Variants in CPNE1 observed in about 807,000 individuals in gnomAD.
CPNE1 encodes copine-1.
CPNE1 carries 58 observed loss-of-function variants against 63.2 expected under a neutral mutation model. That is an observed-to-expected ratio of 0.92 (90% CI 0.74 to 1.14). The LOEUF (loss-of-function observed/expected upper bound fraction) is 1.14. Ranked by LOEUF, CPNE1 falls within the 50% of genes most tolerant of loss-of-function variation. The pLI is 0.00. For synonymous variants in CPNE1, 237 were observed against 249.0 expected, an observed-to-expected ratio of 0.95 and a Z score of 0.45; for missense variants, 672 against 661.7, an observed-to-expected ratio of 1.02 and a Z score of -0.17.
At chr20:35,640,024 C>G (rs997742984) in intron 1 of CPNE1, among the ~76,000 whole-genome samples, 5 of 152,170 alleles carry the variant, frequency 3.3e-5, no homozygotes, top group Non-Finnish European at 1.5e-5. Context: ...TGATGTGAGC[C>G]CCTAAGGTGG....
At chr20:35,655,845 G>T (rs770483695) in intron 1 of CPNE1, among the ~76,000 whole-genome samples, 1 of 152,064 alleles carries the variant, frequency 6.6e-6, no homozygotes, top group Non-Finnish European at 1.5e-5. Flanking sequence ...CCATCCAACA[G>T]AAGCAAAAAA....
At position 35,631,004 on chromosome 20, in the gene CPNE1, C is replaced by A. The variant is rs1568910661; in HGVS notation, c.892G>T (p.Asp298Tyr). The part of the protein sequence containing the change: ...VGVDFTGSNG[D>Y]PSSPDSLHYL... ...TGTAGGGAGTCAGGTGAGGAGGGGT[C>A]TCCATTGGAGCCAGTGAAGTCCACG... is the stretch of plus-strand genomic sequence containing the variant. Residue 298 changes from aspartate (D) to tyrosine (Y), a missense_variant, in exon 11 of 16, where the codon GAC becomes TAC. Asp to Tyr is a radical substitution (Grantham distance 160, BLOSUM62 -3). Transcript: ENST00000397443. The A allele has an allele frequency of 2.5e-6, 4 of 1,613,876 alleles. No homozygotes were observed. The highest frequency in any genetic ancestry group is 2.5e-6 in the Non-Finnish European group (3 of 1,179,928).
intron 1 of CPNE1, among the ~76,000 whole-genome samples, chr20:35,636,740 G>A (rs2032507055): frequency 6.6e-6 from 1 of 152,080 alleles, no homozygotes; most frequent in Non-Finnish European, 1.5e-5. Context: ...GCAGTGAGCC[G>A]AGATCATGGC....
At chr20:35,657,289 A>G (rs147041993) in intron 1 of CPNE1, among the ~76,000 whole-genome samples, 19 of 152,368 alleles carry the variant, frequency 1.2e-4, no homozygotes, top group Non-Finnish European at 2.8e-4. Context: ...TTAGCAGCCT[A>G]TAAGGAGGTT....
chr20:35,652,791 A>G (rs1330189617), intron 1 of CPNE1: 1 of 1,609,778 alleles, frequency 6.2e-7, no homozygotes, highest in Non-Finnish European at 8.5e-7. Context: ...ATGCAAAGCC[A>G]GGGGGACCAC....
At chr20:35,659,403 G>T (rs2034105759) in intron 1 of CPNE1, among the ~76,000 whole-genome samples, 1 of 152,176 alleles carries the variant, frequency 6.6e-6, no homozygotes, top group Non-Finnish European at 1.5e-5. Context: ...AATTTGTGAT[G>T]AAAAGGCACA....
chr20:35,637,286 C>T (rs1213493732), intron 1 of CPNE1, among the ~76,000 whole-genome samples: 2 of 152,268 alleles, frequency 1.3e-5, no homozygotes, highest in East Asian at 1.9e-4. Context: ...CCCCGTATAG[C>T]TGCCTTTAGG....
At chr20:35,646,785 C>A (rs1321520082) in intron 1 of CPNE1, among the ~76,000 whole-genome samples, 1 of 152,194 alleles carries the variant, frequency 6.6e-6, no homozygotes, top group Non-Finnish European at 1.5e-5. Flanking sequence ...ACTGTTCATA[C>A]TGAATTATGT....
At chr20:35,642,983 C>A (rs1357961566) in intron 1 of CPNE1, among the ~76,000 whole-genome samples, 2 of 152,152 alleles carry the variant, frequency 1.3e-5, no homozygotes, top group African/African-American at 2.4e-5. Flanking sequence ...AAAACCAAAG[C>A]CACTAATCTA....
chr20:35,643,256 C>CT (rs2032916076), intron 1 of CPNE1: 1 of 159,212 alleles, frequency 6.3e-6, no homozygotes, highest in Non-Finnish European at 1.5e-5. Context: ...CCACATGCAT[C>CT]TGTCCCGAAG....
chr20:35,651,305 T>C (rs1439368003), intron 1 of CPNE1: 2 of 152,174 alleles, frequency 1.3e-5, no homozygotes, highest in African/African-American at 2.4e-5. Context: ...GTGTCCTGAA[T>C]ACCAAAGAAA....
chr20:35,640,591 CA>C, intron 1 of CPNE1, among the ~76,000 whole-genome samples: 1 of 152,262 alleles, frequency 6.6e-6, no homozygotes, highest in East Asian at 1.9e-4. Flanking sequence ...GTTGAAGTCA[CA>C]GACATTCCCT....
intron 13 of CPNE1, among the ~76,000 whole-genome samples, chr20:35,628,363 A>G (rs1216948144): frequency 1.3e-5 from 2 of 152,126 alleles, no homozygotes; most frequent in African/African-American, 4.8e-5. Context: ...GAGTATTTGT[A>G]TAGTCTCTTC....
At chr20:35,635,646 C>T (rs918542623) in intron 1 of CPNE1, among the ~76,000 whole-genome samples, 5 of 152,124 alleles carry the variant, frequency 3.3e-5, no homozygotes, top group African/African-American at 1.2e-4. Context: ...ACCTGAAGAC[C>T]ACTCCACCAG....
intron 1 of CPNE1, among the ~76,000 whole-genome samples, chr20:35,633,947 A>T (rs545297690): frequency 7.1e-4 from 86 of 120,814 alleles, no homozygotes; most frequent in African/African-American, 2.5e-3. Context: ...CAACAAGAGC[A>T]AGATTCCGTC....
Position 35,632,280 on chromosome 20 carries a change from G to C in CPNE1, c.384+31C>G, listed in dbSNP as rs115318249. The C allele has an allele frequency of 6.0e-3, 9,655 of 1,613,302 alleles. 498 individuals are homozygous for C. In the African/African-American group the frequency reaches 0.11, roughly 19 times the overall value. ...CACCTCATGAATTCATTGATGTTAA[G>C]TCCCTCCTCAACCCTTGCTGGGTTC... On this transcript the variant is annotated intron_variant, in intron 4 of 15. Coordinates refer to ENST00000397443, the MANE Select transcript of CPNE1 (RefSeq NM_152925.3).
chr20:35,652,885 C>G, intron 1 of CPNE1: 1 of 1,613,464 alleles, frequency 6.2e-7, no homozygotes, highest in Non-Finnish European at 8.5e-7. Context: ...AGGGGCACTT[C>G]CAAGACCAGG....
chr20:35,627,391 G>A lies in CPNE1; in HGVS notation c.1125C>T (p.Ala375=), dbSNP rs2031829013. ...GAACTTGGGGCAGGGCTTGGCGGTA[G>A]GCATCCACAATGCCCTGGATGCCTG... ...YCAGIQGIVD[A]YRQALPQVRL... The change falls in exon 14 of 16, where the codon GCC becomes GCT. Residue 375 remains alanine (A), a synonymous_variant. Coordinates refer to ENST00000397443, the MANE Select transcript of CPNE1 (RefSeq NM_152925.3). The A allele has an allele frequency of 5.6e-6, 9 of 1,613,876 alleles. No homozygotes were observed. Among genetic ancestry groups the A allele is most frequent in the African/African-American group, 1.3e-5 (1 of 74,874 alleles).
At chr20:35,658,833 A>ACG in intron 1 of CPNE1, 1 of 645,228 alleles carries the variant, frequency 1.5e-6, no homozygotes, top group Non-Finnish European at 2.9e-6. Flanking sequence ...ACACACACAC[A>ACG]CACACAATAT....
Sources: gnomAD v4.1 joint callset for allele counts (sites outside exome capture counted in the v4.1 genomes callset) on GRCh38, gnomAD v4.1.1 for gene constraint, MANE v1.5 for transcripts, NCBI Gene and HGNC (gene_info 2026-07-23, HGNC 2026-07-21) for gene names.